Variants in ANK2 observed in about 807,000 individuals in gnomAD.
ANK2 encodes the protein ankyrin-2.
ANK2 carries 83 observed loss-of-function variants against 360.5 expected under a neutral mutation model. That is an observed-to-expected ratio of 0.23 (90% CI 0.19 to 0.28). The LOEUF is 0.28. Ranked by LOEUF, ANK2 falls within the 10% of genes least tolerant of loss-of-function variation. The pLI is 1.00. For synonymous variants in ANK2, 1,740 were observed against 1,759.5 expected, an observed-to-expected ratio of 0.99 and a Z score of 0.28; for missense variants, 4,201 against 4,795.7, an observed-to-expected ratio of 0.88 and a Z score of 3.66.
At chr4:113,335,712 T>C (rs2093433591) in intron 29 of ANK2, 134 bp from the exon 30 acceptor site, 2 of 918,284 alleles carry the variant, frequency 2.2e-6, no homozygotes, top group Middle Eastern at 2.3e-4. Context: ...CTTTTTAAAA[T>C]TGTCCTGTTG....
the ANK2 span, among the ~76,000 whole-genome samples, chr4:112,743,484 T>C: frequency 6.6e-6 from 1 of 151,154 alleles, no homozygotes; most frequent in Admixed American, 6.7e-5. Flanking sequence ...TCTTTCTCTC[T>C]TTCTCTCTCC....
intron 4 of ANK2, among the ~76,000 whole-genome samples, chr4:113,210,520 C>T (rs1045970324): frequency 6.6e-6 from 1 of 152,134 alleles, no homozygotes; most frequent in African/African-American, 2.4e-5. Context: ...CAGTTTAGCA[C>T]TGGTTAGAAG....
intron 2 of ANK2, among the ~76,000 whole-genome samples, chr4:112,922,640 G>T (rs1451694861): frequency 6.6e-6 from 1 of 152,106 alleles, no homozygotes; most frequent in Non-Finnish European, 1.5e-5. Context: ...TCAAAGATGG[G>T]GTAAGTCAGT....
rs549550589 is a variant in ANK2 at position 113,137,245 on chromosome 4, C to G, written c.85-37171C>G. 1.8e-3 allele frequency among the ~76,000 whole-genome samples: 270 copies of G among 152,288 alleles called. 1 individual carries two copies. The highest frequency in any genetic ancestry group is 3.0e-3 in the Non-Finnish European group (203 of 68,032). ...ACAAATGGATTGAAACAGAGCAAAG[C>G]TAGAACCAGTAAACTCTTTAGGAGA... On this transcript the variant is annotated intron_variant, in intron 1 of 45. Transcript: ENST00000357077.
the ANK2 span, among the ~76,000 whole-genome samples, chr4:112,801,677 C>G: frequency 6.6e-5 from 10 of 152,106 alleles, 1 homozygote; most frequent in Admixed American, 5.2e-4. Context: ...ATAGAGAGTT[C>G]TAGCATGGGT....
At chr4:113,195,591 T>C (rs1477843028) in intron 2 of ANK2, among the ~76,000 whole-genome samples, 2 of 152,208 alleles carry the variant, frequency 1.3e-5, no homozygotes, top group Non-Finnish European at 2.9e-5. Context: ...GAATACCGTC[T>C]GTATAAGACA....
In ANK2 at chr4:113,277,870, T is replaced by C. The variant is rs750861845; in HGVS notation, c.1717T>C (p.Tyr573His). 26 of 1,614,066 alleles carry C rather than the reference T, an allele frequency of 1.6e-5. No individual in the cohort carries two copies. The highest frequency in any genetic ancestry group is 2.2e-5 in the Non-Finnish European group (26 of 1,179,916). ...GFTPLHVAAK[Y>H]GSLDVAKLLL... ...TACTCCCCTGCATGTAGCAGCCAAG[T>C]ATGGAAGCCTGGATGTGGCAAAACT... The change falls in exon 16 of 46, where the codon TAT becomes CAT. Residue 573 changes from tyrosine (Y) to histidine (H), a missense_variant. By Grantham distance (83) the Tyr-to-His change is moderately conservative (BLOSUM62 2). Coordinates refer to ENST00000357077, the MANE Select transcript of ANK2 (RefSeq NM_001148.6).
chr4:112,788,215 C>A, the ANK2 span: 2 of 1,590,246 alleles, frequency 1.3e-6, no homozygotes, highest in African/African-American at 2.7e-5. Flanking sequence ...TGTAATTGGT[C>A]CTGATAGCTT....
At chr4:113,030,154 T>G (rs960011669) in intron 2 of ANK2, among the ~76,000 whole-genome samples, 2 of 152,070 alleles carry the variant, frequency 1.3e-5, no homozygotes, top group Admixed American at 6.6e-5. Context: ...GTGTTTCATC[T>G]GTAGAACTAA....
intron 2 of ANK2, among the ~76,000 whole-genome samples, chr4:112,946,070 G>T (rs78971647): frequency 6.6e-6 from 1 of 152,206 alleles, no homozygotes; most frequent in Non-Finnish European, 1.5e-5. Context: ...GTAGAACAAA[G>T]AAGTTGTTTT....
chr4:113,032,815 T>C (rs533249977), intron 2 of ANK2, among the ~76,000 whole-genome samples: 1 of 152,206 alleles, frequency 6.6e-6, no homozygotes. Flanking sequence ...GTTAGAATAC[T>C]CACTCAGGTG....
intron 1 of ANK2, among the ~76,000 whole-genome samples, chr4:112,875,039 C>CTTT (rs991553054): frequency 1.4e-5 from 2 of 140,794 alleles, no homozygotes; most frequent in African/African-American, 5.2e-5. Context: ...TCCCTAATTA[C>CTTT]TTTTTTTTTT....
At position 113,354,561 on chromosome 4, in the gene ANK2, A is replaced by G. The variant is rs1588929237; in HGVS notation, c.5943A>G (p.Thr1981=). The G allele has an allele frequency of 6.8e-6, 11 of 1,614,166 alleles. No homozygotes were observed. Among genetic ancestry groups the G allele is most frequent in the Non-Finnish European group, 8.5e-6 (10 of 1,180,000 alleles). Residue 1981 remains threonine, a synonymous_variant, in exon 38 of 46, where the codon ACA becomes ACG. Coordinates refer to ENST00000357077, the MANE Select transcript of ANK2 (RefSeq NM_001148.6). ...KQPPVSPTSK[T]ERIEETMSVR... ...CACCTGTATCCCCCACTTCAAAAAC[A>G]GAGAGGATTGAGGAAACCATGTCTG...
the ANK2 span, among the ~76,000 whole-genome samples, chr4:112,731,150 G>T: frequency 6.6e-6 from 1 of 151,450 alleles, no homozygotes; most frequent in Non-Finnish European, 1.5e-5. Flanking sequence ...AAAAAAAAAG[G>T]CTGAGTGGTG....
chr4:113,299,102 A>G (rs2153779423), intron 22 of ANK2, among the ~76,000 whole-genome samples: 4 of 152,296 alleles, frequency 2.6e-5, no homozygotes, highest in Admixed American at 2.6e-4. Context: ...TTCTGTTGCC[A>G]CATATATTTG....
intron 43 of ANK2, among the ~76,000 whole-genome samples, chr4:113,370,288 A>G (rs889952614): frequency 6.7e-6 from 1 of 149,366 alleles, no homozygotes; most frequent in Non-Finnish European, 1.5e-5. Flanking sequence ...TAGAGGCAAG[A>G]TGATTTCCAA....
chr4:113,279,018 C>T (rs894427407), intron 17 of ANK2, among the ~76,000 whole-genome samples: 2 of 151,970 alleles, frequency 1.3e-5, no homozygotes, highest in African/African-American at 4.8e-5. Flanking sequence ...ATGGATCCCT[C>T]TAAGTCCCTA....
rs2096035460 is a variant in ANK2 at position 113,359,151 on chromosome 4, G to A, written c.10533G>A (p.Leu3511=). The A allele has an allele frequency of 1.9e-6, 3 of 1,613,694 alleles. No individual in the cohort carries two copies. The highest frequency in any genetic ancestry group is 1.7e-6 in the Non-Finnish European group (2 of 1,179,676). ...IVSDDESSSA[L]EVSVIENLPP... ...CAGACGATGAAAGTAGTAGTGCCCTGGAAGTATCAGTAATTGAAAATCTGC... is the reference window on the plus strand; with the variant it reads ...CAGACGATGAAAGTAGTAGTGCCCTAGAAGTATCAGTAATTGAAAATCTGC... Residue 3511 remains leucine (L), a synonymous_variant, in exon 38 of 46, where the codon CTG becomes CTA. Coordinates refer to ENST00000357077, the MANE Select transcript of ANK2 (RefSeq NM_001148.6).
chr4:112,716,462 A>G, the ANK2 span, among the ~76,000 whole-genome samples: 1 of 152,218 alleles, frequency 6.6e-6, no homozygotes. Context: ...ATAATAAAAT[A>G]CTATAGGTGT....
Sources: allele counts gnomAD v4.1 joint callset (sites outside exome capture counted in the v4.1 genomes callset), GRCh38; gene constraint gnomAD v4.1.1; transcripts MANE v1.5; gene names NCBI Gene and HGNC (gene_info 2026-07-23, HGNC 2026-07-21).